The following FYB1 variants were observed in gnomAD, a reference collection of about 807,000 sequenced individuals.
FYB1 encodes the protein FYN binding protein 1, also known as FYN-binding protein 1.
Under a neutral mutation model 94.1 loss-of-function variants are expected in FYB1, and 41 were observed. The observed-to-expected ratio is 0.44, with a 90% CI of 0.34 to 0.57. The LOEUF (loss-of-function observed/expected upper bound fraction) is 0.57. Ranked by LOEUF, FYB1 falls within the 20% of genes least tolerant of loss-of-function variation. The pLI, the probability that FYB1 is intolerant of heterozygous loss-of-function variation, is 0.02. For synonymous variants in FYB1, 367 were observed against 353.2 expected, an observed-to-expected ratio of 1.04 and a Z score of -0.44; for missense variants, 1,050 against 976.8, an observed-to-expected ratio of 1.07 and a Z score of -1.00.
At chr5:39,260,796 G>C (rs971708317) in intron 1 of FYB1, among the ~76,000 whole-genome samples, 2 of 152,018 alleles carry the variant, frequency 1.3e-5, no homozygotes, top group African/African-American at 2.4e-5. Flanking sequence ...CTTCCAAATT[G>C]TTGATGTTCT....
At chr5:39,169,193 A>T in intron 2 of FYB1, 1 of 830,756 alleles carries the variant, frequency 1.2e-6, no homozygotes. Context: ...AATCATTGCA[A>T]CATCTGGGCT....
At chr5:39,215,300 A>G (rs1749762194) in intron 1 of FYB1, among the ~76,000 whole-genome samples, 1 of 152,264 alleles carries the variant, frequency 6.6e-6, no homozygotes, top group Admixed American at 6.5e-5. Context: ...TCTAATATGA[A>G]TAAAATAATA....
chr5:39,125,848 T>A (rs1740612435), intron 12 of FYB1, 150 bp downstream of exon 12: 1 of 694,998 alleles, frequency 1.4e-6, no homozygotes, highest in Non-Finnish European at 2.3e-6. Context: ...GGTGACACCA[T>A]AAACGGGGCT....
At chr5:39,262,505 A>C (rs1256862445) in intron 1 of FYB1, among the ~76,000 whole-genome samples, 2 of 152,246 alleles carry the variant, frequency 1.3e-5, no homozygotes, top group African/African-American at 4.8e-5. Context: ...GTCAAGTTTT[A>C]GGGATGATGT....
chr5:39,124,530 T>C (rs1740443921), intron 12 of FYB1, among the ~76,000 whole-genome samples: 3 of 152,172 alleles, frequency 2.0e-5, no homozygotes, highest in Admixed American at 2.0e-4. Context: ...ACTCAATTGG[T>C]TTATTTTGCC....
At chr5:39,125,167 T>C (rs1200381029) in intron 12 of FYB1, among the ~76,000 whole-genome samples, 2 of 152,176 alleles carry the variant, frequency 1.3e-5, no homozygotes, top group Non-Finnish European at 2.9e-5. Flanking sequence ...TCCTAGAATT[T>C]CAAGTGTACT....
chr5:39,181,436 G>C (rs1247745068), intron 2 of FYB1, among the ~76,000 whole-genome samples: 1 of 152,138 alleles, frequency 6.6e-6, no homozygotes, highest in Non-Finnish European at 1.5e-5. Flanking sequence ...ATATAGGACA[G>C]TATAGAACTG....
At chr5:39,144,801 C>CA (rs975497575) in intron 3 of FYB1, among the ~76,000 whole-genome samples, 15 of 149,900 alleles carry the variant, frequency 1.0e-4, no homozygotes, top group East Asian at 3.9e-4. Flanking sequence ...AACTGTGTCT[C>CA]AAAAAAAAAC....
chr5:39,134,204 A>C lies in FYB1; in HGVS notation c.1817+4T>G. On this transcript the variant is annotated splice_donor_region_variant and intron_variant, in intron 9 of 18. Transcript: ENST00000512982. Reference sequence around the variant, plus strand: ...TCTGTTCTACAATACGTACTTGCACATACCTGCTAATATCATCCTGCTCTG... The same window carrying C: ...TCTGTTCTACAATACGTACTTGCACCTACCTGCTAATATCATCCTGCTCTG... 6.2e-7 allele frequency: 1 copy of C among 1,606,206 alleles called. No individual in the cohort carries two copies. The highest frequency in any genetic ancestry group is 8.5e-7 in the Non-Finnish European group (1 of 1,174,098).
At chr5:39,219,342 C>T (rs1160393868) in intron 1 of FYB1, 101 bp downstream of exon 1, 1 of 679,720 alleles carries the variant, frequency 1.5e-6, no homozygotes, top group East Asian at 1.4e-4. Context: ...AGTTATTCAG[C>T]TAGCACAGTC....
At position 39,119,049 on chromosome 5, in the gene FYB1, G is replaced by A; in HGVS notation, c.2239-13C>T. ...TTTCACCATCATACTAAAAAAAAAA[G>A]AACAATATTTAAATTATTGGTTTAT... On this transcript the variant is annotated splice_polypyrimidine_tract_variant and intron_variant, in intron 15 of 18. Transcript: ENST00000512982. 1.7e-6 allele frequency: 2 copies of A among 1,177,216 alleles called. No homozygotes were observed. Among genetic ancestry groups the A allele is most frequent in the Admixed American group, 3.2e-5 (1 of 31,636 alleles). 72.9% of individuals were successfully genotyped at this position (1,177,216 alleles called of 1,614,324 possible). A position where few individuals can be genotyped will look rare whatever the true frequency, so the allele number is the denominator to read the frequency against.
intron 2 of FYB1, among the ~76,000 whole-genome samples, chr5:39,170,525 A>G (rs957760116): frequency 6.6e-6 from 1 of 151,976 alleles, no homozygotes; most frequent in South Asian, 2.1e-4. Context: ...TACAGCTGAA[A>G]CTCATTCTAG....
chr5:39,223,232 A>C (rs73072551), upstream of FYB1, among the ~76,000 whole-genome samples: 4,463 of 152,298 alleles, frequency 0.029, 176 homozygotes, highest in African/African-American at 0.097. Flanking sequence ...TCTGAACTGG[A>C]GAATTAATGT....
At chr5:39,208,487 G>A (rs1749055848) in intron 1 of FYB1, among the ~76,000 whole-genome samples, 1 of 152,108 alleles carries the variant, frequency 6.6e-6, no homozygotes, top group Admixed American at 6.5e-5. Context: ...TTGAGATAAA[G>A]TCGTTTGTTA....
chr5:39,206,784 C>T (rs1031154481), intron 1 of FYB1, among the ~76,000 whole-genome samples: 19 of 152,202 alleles, frequency 1.2e-4, no homozygotes, highest in Admixed American at 3.9e-4. Flanking sequence ...ATGTTGCTAA[C>T]CGGTGCATAT....
chr5:39,177,770 C>T (rs1745872491), intron 2 of FYB1, among the ~76,000 whole-genome samples: 1 of 152,090 alleles, frequency 6.6e-6, no homozygotes, highest in Non-Finnish European at 1.5e-5. Context: ...CGTGTGTATG[C>T]TTTGTGAGAT....
intron 1 of FYB1, among the ~76,000 whole-genome samples, chr5:39,273,903 C>T (rs1359080352): frequency 1.3e-5 from 2 of 151,730 alleles, no homozygotes; most frequent in Admixed American, 6.6e-5. Flanking sequence ...TGAGAAGCAT[C>T]GTCAGTGTTT....
At chr5:39,151,435 A>G (rs1438270415) in intron 3 of FYB1, among the ~76,000 whole-genome samples, 1 of 152,098 alleles carries the variant, frequency 6.6e-6, no homozygotes, top group Admixed American at 6.6e-5. Flanking sequence ...GTCTACAGGC[A>G]TGCACCATCA....
At chr5:39,193,661 C>T (rs1385440094) in intron 2 of FYB1, among the ~76,000 whole-genome samples, 2 of 152,118 alleles carry the variant, frequency 1.3e-5, no homozygotes, top group Non-Finnish European at 2.9e-5. Flanking sequence ...GAGTGAGCAG[C>T]CTGGGAAGGT....
Sources: gnomAD v4.1 joint callset for allele counts (sites outside exome capture counted in the v4.1 genomes callset) on GRCh38, gnomAD v4.1.1 for gene constraint, MANE v1.5 for transcripts, NCBI Gene and HGNC (gene_info 2026-07-23, HGNC 2026-07-21) for gene names.